The following GAK variants were observed in gnomAD, a reference collection of about 807,000 sequenced individuals.
The protein encoded by GAK is cyclin-G-associated kinase.
A neutral mutation model predicts 143.9 loss-of-function variants in GAK; 79 were observed. The ratio of observed to expected loss-of-function variants is 0.55; its 90% CI spans 0.46 to 0.66. The LOEUF (loss-of-function observed/expected upper bound fraction) is 0.66. GAK is among the 30% of genes least tolerant of loss of function. The pLI is 0.00. For synonymous variants in GAK, 881 were observed against 765.5 expected, an observed-to-expected ratio of 1.15 and a Z score of -2.49; for missense variants, 1,693 against 1,779.7, an observed-to-expected ratio of 0.95 and a Z score of 0.88.
intron 9 of GAK, among the ~76,000 whole-genome samples, chr4:891,260 CTTT>C (rs1283125814): frequency 6.6e-6 from 1 of 151,174 alleles, no homozygotes; most frequent in African/African-American, 2.4e-5. Flanking sequence ...TGCACCCAGG[CTTT>C]TTTTCTTTTT....
At chr4:878,117 G>A (rs191814024) in intron 15 of GAK, among the ~76,000 whole-genome samples, 10 of 151,828 alleles carry the variant, frequency 6.6e-5, no homozygotes, top group African/African-American at 1.7e-4. Context: ...GAGGCCAGGC[G>A]CGGTGGCTCA....
At chr4:927,927 G>C (rs959431310) in intron 1 of GAK, among the ~76,000 whole-genome samples, 1 of 152,212 alleles carries the variant, frequency 6.6e-6, no homozygotes, top group African/African-American at 2.4e-5. Context: ...GAACAGCACA[G>C]AGCTGCAGAG....
chr4:889,118 G>T, intron 10 of GAK, 148 bp from the exon 11 acceptor site: 1 of 1,058,342 alleles, frequency 9.4e-7, no homozygotes, highest in Non-Finnish European at 1.3e-6. Context: ...TGCTGGCTGG[G>T]CCCAGGCAGC....
intron 22 of GAK, 84 bp downstream of exon 22, chr4:866,280 A>C: frequency 7.1e-7 from 1 of 1,399,618 alleles, no homozygotes; most frequent in South Asian, 1.3e-5. Context: ...ACTGCCTGAG[A>C]CCCACAGCTC....
intron 21 of GAK, 122 bp from the exon 22 acceptor site, chr4:866,656 G>A (rs1751239907): frequency 9.3e-7 from 1 of 1,076,038 alleles, no homozygotes; most frequent in Non-Finnish European, 1.3e-6. Context: ...CCCCACGGCT[G>A]CCCTCGCAGG....
intron 24 of GAK, chr4:859,221 C>T: frequency 8.4e-7 from 1 of 1,187,846 alleles, no homozygotes; most frequent in East Asian, 6.0e-5. Context: ...AGAGGGTGGG[C>T]TCGGTTCTTG....
intron 23 of GAK, among the ~76,000 whole-genome samples, chr4:863,161 A>C (rs933377266): frequency 6.6e-6 from 1 of 152,358 alleles, no homozygotes; most frequent in African/African-American, 2.4e-5. Context: ...CTCAAGGATG[A>C]CTTTGAGGAG....
chr4:925,040 C>T (rs1026527077), intron 1 of GAK, among the ~76,000 whole-genome samples: 1 of 152,092 alleles, frequency 6.6e-6, no homozygotes, highest in African/African-American at 2.4e-5. Context: ...ACAGCCTGGG[C>T]AACACAACAA....
At chr4:886,303 CTG>C (rs1560359271) in intron 11 of GAK, 1 of 152,252 alleles carries the variant, frequency 6.6e-6, no homozygotes, top group African/African-American at 2.4e-5. Context: ...TCAAGCCAAA[CTG>C]TGTCCTCCTA....
chr4:895,810 C>G (rs1002816804), intron 7 of GAK, among the ~76,000 whole-genome samples: 3 of 152,206 alleles, frequency 2.0e-5, no homozygotes, highest in African/African-American at 7.2e-5. Flanking sequence ...TGGCCTGGCT[C>G]TGAGCGCAGC....
chr4:874,670 A>T (rs77880730), intron 18 of GAK, among the ~76,000 whole-genome samples: 1 of 128,810 alleles, frequency 7.8e-6, no homozygotes, highest in South Asian at 2.4e-4. Flanking sequence ...TCTTTTTGTT[A>T]AAAAAAAAAA....
intron 2 of GAK, among the ~76,000 whole-genome samples, chr4:913,327 A>G (rs1429423182): frequency 6.6e-6 from 1 of 152,240 alleles, no homozygotes; most frequent in Non-Finnish European, 1.5e-5. Context: ...ATTTTGGCAC[A>G]TGGAGGCCAA....
At chr4:928,557 C>G (rs1242994346) in intron 1 of GAK, among the ~76,000 whole-genome samples, 1 of 152,160 alleles carries the variant, frequency 6.6e-6, no homozygotes, top group Non-Finnish European at 1.5e-5. Context: ...CAAGTGTACC[C>G]TGCGGAGGAC....
At chr4:882,573 T>C in intron 14 of GAK, 124 bp downstream of exon 14, 3 of 1,265,804 alleles carry the variant, frequency 2.4e-6, no homozygotes, top group East Asian at 2.4e-5. Context: ...ACAGGGACTT[T>C]CTTCCGTGTC....
intron 9 of GAK, 34 bp downstream of exon 9, chr4:893,343 C>T (rs1007843861): frequency 9.1e-6 from 13 of 1,426,360 alleles, no homozygotes; most frequent in African/African-American, 1.5e-5. Context: ...TTCACCACTG[C>T]GGGGGATTTG....
intron 4 of GAK, 121 bp downstream of exon 4, chr4:911,552 G>C: frequency 1.4e-6 from 1 of 694,408 alleles, no homozygotes; most frequent in Non-Finnish European, 2.5e-6. Context: ...TTCCCGCTAA[G>C]ACCAACACAG....
intron 18 of GAK, among the ~76,000 whole-genome samples, chr4:875,400 G>A (rs1045705222): frequency 9.2e-5 from 14 of 152,246 alleles, no homozygotes; most frequent in Non-Finnish European, 1.6e-4. Context: ...CGGTCTCCCG[G>A]TGCAGGCCGT....
chr4:871,021 A>G (rs930447629), intron 18 of GAK, 117 bp from the exon 19 acceptor site: 1 of 909,864 alleles, frequency 1.1e-6, no homozygotes, highest in African/African-American at 1.7e-5. Flanking sequence ...GCGGGGCGAG[A>G]ACAACCAGGG....
chr4:866,879 G>A (rs1012633676), intron 21 of GAK, 77 bp downstream of exon 21: 10 of 1,114,980 alleles, frequency 9.0e-6, no homozygotes, highest in Admixed American at 2.5e-5. Flanking sequence ...TTCGAAACAC[G>A]CCCATGCAGT....
Sources: gnomAD v4.1 joint callset for allele counts (sites outside exome capture counted in the v4.1 genomes callset) on GRCh38, gnomAD v4.1.1 for gene constraint, MANE v1.5 for transcripts, NCBI Gene and HGNC (gene_info 2026-07-23, HGNC 2026-07-21) for gene names.